Variants in GCNT4 observed in about 807,000 individuals in gnomAD.
GCNT4 encodes glucosaminyl (N-acetyl) transferase 4.
In GCNT4, 17 loss-of-function variants were observed where a neutral mutation model predicts 31.3. That is an observed-to-expected ratio of 0.54 (90% CI 0.37 to 0.81). The LOEUF is 0.81. Among genes scored for constraint, GCNT4 ranks in the 40% least tolerant of loss-of-function variants. The probability of loss-of-function intolerance (pLI) is 0.00; values close to 1 mark genes in which losing one functional copy is unlikely to be tolerated. For synonymous variants in GCNT4, 158 were observed against 190.6 expected (o/e 0.83, Z 1.41); for missense variants, 503 against 525.5 (o/e 0.96, Z 0.42).
chr5:75,021,802 G>T (rs997165562), downstream of GCNT4, among the ~76,000 whole-genome samples: 3 of 151,950 alleles, frequency 2.0e-5, no homozygotes, highest in African/African-American at 7.3e-5. Flanking sequence ...CCTCTATTTG[G>T]TTTTTCAGTT....
At position 75,028,864 on chromosome 5, in the gene GCNT4, T is replaced by TA; in HGVS notation, c.1173dup (p.Ile392TyrfsTer19). On this transcript the variant is annotated frameshift_variant, in exon 4 of 4. Transcript: ENST00000652361. LOFTEE classifies it high-confidence loss of function. ...CACCTTAATTCTGCAGCTCCATAAA[T>TA]ACACACGCTTCGAAGGTGAGATCCA... 1 of 1,614,048 alleles carries TA rather than the reference T, an allele frequency of 6.2e-7. No homozygotes were observed. Among genetic ancestry groups the TA allele is most frequent in the Non-Finnish European group, 8.5e-7 (1 of 1,179,996 alleles).
rs1220835781 is a variant in GCNT4, at chr5:75,028,485, A to G, written c.*191T>C. On this transcript the variant is annotated 3_prime_UTR_variant, in exon 4 of 4. Coordinates refer to ENST00000652361, the MANE Select transcript of GCNT4 (RefSeq NM_001366737.1). ...AGTGAGATTACAAGCAAAAACAAATATTAAAAAAACCTAGCCAACTGCAGG... is the reference window on the plus strand; with the variant it reads ...AGTGAGATTACAAGCAAAAACAAATGTTAAAAAAACCTAGCCAACTGCAGG... The G allele has an allele frequency of 6.0e-5, 34 of 563,170 alleles. No homozygotes were observed. The Admixed American group carries it at 1.2e-3, about 19-fold the overall frequency. The allele number at this position is 563,170 out of a possible 1,614,324, so 34.9% of individuals were successfully genotyped here. A position where few individuals can be genotyped will look rare whatever the true frequency, so the allele number is the denominator to read the frequency against.
chr5:75,049,322 C>T (rs1301915597), intron 2 of GCNT4, among the ~76,000 whole-genome samples: 2 of 152,084 alleles, frequency 1.3e-5, no homozygotes, highest in African/African-American at 4.8e-5. Context: ...TTTTCTGTTA[C>T]GTTCAGCAGA....
intron 3 of GCNT4, among the ~76,000 whole-genome samples, chr5:75,034,082 C>T (rs553138913): frequency 1.3e-5 from 2 of 152,168 alleles, no homozygotes; most frequent in Non-Finnish European, 2.9e-5. Context: ...CAAAGAGGTG[C>T]GTAGGTGCAA....
chr5:75,027,039 T>C lies in GCNT4; in HGVS notation c.*1637A>G, dbSNP rs1391419828. On this transcript the variant is annotated 3_prime_UTR_variant, in exon 4 of 4. Coordinates refer to ENST00000652361, the MANE Select transcript of GCNT4 (RefSeq NM_001366737.1). ...TAAAAAATATGTAATACTTAAATCT[T>C]CCAAATTGTCCTATTTTGGGCTAGA... 1 of 151,736 alleles carries C rather than the reference T, an allele frequency of 6.6e-6. No individual in the cohort carries two copies. Among genetic ancestry groups the C allele is most frequent in the East Asian group, 1.9e-4 (1 of 5,184 alleles). 9.4% of individuals were successfully genotyped at this position (151,736 alleles called of 1,614,324 possible). A position where few individuals can be genotyped will look rare whatever the true frequency, so the allele number is the denominator to read the frequency against.
downstream of GCNT4, among the ~76,000 whole-genome samples, chr5:75,021,528 A>C (rs1225900848): frequency 6.6e-6 from 1 of 152,192 alleles, no homozygotes; most frequent in Non-Finnish European, 1.5e-5. Context: ...GAGTAGACAG[A>C]AACACTAGCC....
chr5:75,042,296 A>T (rs1292732429), intron 3 of GCNT4, among the ~76,000 whole-genome samples: 1 of 152,232 alleles, frequency 6.6e-6, no homozygotes, highest in Non-Finnish European at 1.5e-5. Flanking sequence ...GAATTGAAAA[A>T]CATGTCTATT....
At chr5:75,033,074 C>T (rs1743108867) in intron 3 of GCNT4, among the ~76,000 whole-genome samples, 1 of 152,220 alleles carries the variant, frequency 6.6e-6, no homozygotes, top group Non-Finnish European at 1.5e-5. Context: ...TTCCCCCTGA[C>T]ACCACAGTGG....
chr5:75,026,647 CAAAAAAAAAAAAAA>C lies in GCNT4; in HGVS notation c.*2015_*2028del, dbSNP rs547466422. 2 of 65,804 alleles carry C rather than the reference CAAAAAAAAAAAAAA, an allele frequency of 3.0e-5. 1 individual carries two copies. The allele number at this position is 65,804 out of a possible 1,614,324, so 4.1% of individuals were successfully genotyped here. ...CATATACTATTTCAATCGATTCTCA[CAAAAAAAAAAAAAA>C]AAAAAAAAAAACACTTGTGTGGAAG... On this transcript the variant is annotated 3_prime_UTR_variant, in exon 4 of 4. Transcript: ENST00000652361.
At chr5:75,033,982 C>G (rs1580238421) in intron 3 of GCNT4, among the ~76,000 whole-genome samples, 1 of 152,276 alleles carries the variant, frequency 6.6e-6, no homozygotes, top group East Asian at 1.9e-4. Flanking sequence ...TGATGGCTTC[C>G]CACTTCATCC....
In GCNT4 at chr5:75,029,690, T is replaced by TA. The variant is rs747670936; in HGVS notation, c.347dup (p.Arg117LysfsTer31). 4 of 1,614,150 alleles carry TA rather than the reference T, an allele frequency of 2.5e-6. No individual in the cohort carries two copies. Among genetic ancestry groups the TA allele is most frequent in the East Asian group, 2.2e-5 (1 of 44,880 alleles). ...AGACAAGCTTTTGAGCATAACCTCT[T>TA]AGAGTCTGATAAATGTCACAATCAC... On this transcript the variant is annotated frameshift_variant, in exon 4 of 4. Transcript: ENST00000652361. LOFTEE classifies it high-confidence loss of function.
At chr5:75,051,712 C>A (rs549181024) in intron 2 of GCNT4, among the ~76,000 whole-genome samples, 2 of 152,348 alleles carry the variant, frequency 1.3e-5, no homozygotes, top group African/African-American at 4.8e-5. Context: ...ACTCTGACTG[C>A]CCGACTATGC....
chr5:75,042,569 G>C (rs1227629091), intron 3 of GCNT4, among the ~76,000 whole-genome samples: 1 of 152,214 alleles, frequency 6.6e-6, no homozygotes, highest in African/African-American at 2.4e-5. Context: ...GGGATAAACA[G>C]ACATGAATCA....
intron 3 of GCNT4, among the ~76,000 whole-genome samples, chr5:75,036,632 C>T (rs1179371389): frequency 6.6e-6 from 1 of 150,722 alleles, no homozygotes; most frequent in Non-Finnish European, 1.5e-5. Context: ...AGATCTTCCA[C>T]CCTGTTTAAG....
chr5:75,021,968 G>T (rs951591010), downstream of GCNT4, among the ~76,000 whole-genome samples: 1 of 152,022 alleles, frequency 6.6e-6, no homozygotes, highest in African/African-American at 2.4e-5. Flanking sequence ...ACATTTACAC[G>T]ATCCTGAGTA....
chr5:75,046,183 G>T (rs956665224), intron 3 of GCNT4, among the ~76,000 whole-genome samples: 1 of 151,978 alleles, frequency 6.6e-6, no homozygotes, highest in Non-Finnish European at 1.5e-5. Context: ...TGACACATCT[G>T]CCATTATGTC....
rs754515835 is a variant in GCNT4, at chr5:75,029,507, G to C, written c.531C>G (p.Asn177Lys). Reference sequence around the variant, plus strand: ...TATTGGAGAAGCACTTAGCTAAATTGTTCATGGCAACTTTGAAGGTATCAG... The same window carrying C: ...TATTGGAGAAGCACTTAGCTAAATTCTTCATGGCAACTTTGAAGGTATCAG... Reference protein sequence around the residue: ...KAPDTFKVAMNNLAKCFSNIF... With the variant: ...KAPDTFKVAMKNLAKCFSNIF... Residue 177 changes from asparagine to lysine, a missense_variant, in exon 4 of 4, where the codon AAC becomes AAG. Asn to Lys is a moderately conservative substitution (Grantham distance 94, BLOSUM62 0). Transcript: ENST00000652361. 23 of 1,613,958 alleles carry C rather than the reference G, an allele frequency of 1.4e-5. No homozygotes were observed. Among genetic ancestry groups the C allele is most frequent in the Non-Finnish European group, 1.9e-5 (23 of 1,180,034 alleles).
upstream of GCNT4, among the ~76,000 whole-genome samples, chr5:75,053,456 G>C (rs932143437): frequency 1.3e-5 from 2 of 152,108 alleles, no homozygotes; most frequent in African/African-American, 2.4e-5. Flanking sequence ...GGCTGAGACC[G>C]GGTTAACATC....
At chr5:75,052,087 G>T (rs1426293751) in intron 2 of GCNT4, 82 bp downstream of exon 2, 2 of 152,038 alleles carry the variant, frequency 1.3e-5, no homozygotes, top group African/African-American at 4.8e-5. Flanking sequence ...TTAGTTTCTA[G>T]AATGTTTTAG....
Sources: gnomAD v4.1 joint callset for allele counts (sites outside exome capture counted in the v4.1 genomes callset) on GRCh38, gnomAD v4.1.1 for gene constraint, MANE v1.5 for transcripts, NCBI Gene and HGNC (gene_info 2026-07-23, HGNC 2026-07-21) for gene names.